Variants in ARL6IP6 observed in about 807,000 individuals in gnomAD.
ARL6IP6 encodes ADP-ribosylation factor-like protein 6-interacting protein 6.
In ARL6IP6, 22 loss-of-function variants were observed where a neutral mutation model predicts 21.5. The observed-to-expected ratio is 1.02, with a 90% CI of 0.73 to 1.46. ARL6IP6 has a LOEUF of 1.46. Ranked by LOEUF, ARL6IP6 falls within the 40% of genes most tolerant of loss-of-function variation. The probability of loss-of-function intolerance (pLI) is 0.00; values close to 1 mark genes in which losing one functional copy is unlikely to be tolerated. For synonymous variants in ARL6IP6, 164 were observed against 125.3 expected (o/e 1.31, Z -2.06); for missense variants, 388 against 299.8 (o/e 1.29, Z -2.17).
chr2:152,743,959 CTCA>C (rs1004178633), intron 3 of ARL6IP6, among the ~76,000 whole-genome samples: 1 of 152,078 alleles, frequency 6.6e-6, no homozygotes, highest in African/African-American at 2.4e-5. Context: ...TGGAGCATGT[CTCA>C]GTTCTTAAAT....
intron 3 of ARL6IP6, among the ~76,000 whole-genome samples, chr2:152,740,406 C>A (rs751672436): frequency 1.3e-5 from 2 of 152,010 alleles, no homozygotes; most frequent in Non-Finnish European, 2.9e-5. Context: ...GCCTAGTGAT[C>A]CAGTTTTAAT....
At chr2:152,722,983 A>G (rs1458468197) in intron 2 of ARL6IP6, among the ~76,000 whole-genome samples, 1 of 152,218 alleles carries the variant, frequency 6.6e-6, no homozygotes, top group Admixed American at 6.5e-5. Flanking sequence ...TACTGTTTTC[A>G]AGAAAAATAC....
intron 2 of ARL6IP6, among the ~76,000 whole-genome samples, chr2:152,733,343 G>A (rs1394094055): frequency 6.6e-6 from 1 of 152,140 alleles, no homozygotes; most frequent in East Asian, 1.9e-4. Context: ...TTTGCTCACT[G>A]TAACCTATGC....
At chr2:152,742,387 G>A (rs1379673379) in intron 3 of ARL6IP6, among the ~76,000 whole-genome samples, 1 of 152,020 alleles carries the variant, frequency 6.6e-6, no homozygotes, top group Non-Finnish European at 1.5e-5. Flanking sequence ...AGTCAACATA[G>A]TGAGATGCTG....
upstream of ARL6IP6, chr2:152,718,043 G>A: frequency 2.0e-6 from 2 of 995,336 alleles, no homozygotes; most frequent in South Asian, 8.6e-5. Flanking sequence ...TAGCGGGAGG[G>A]AAGTTGTAGT....
At chr2:152,742,816 G>A (rs1257474857) in intron 3 of ARL6IP6, among the ~76,000 whole-genome samples, 1 of 152,098 alleles carries the variant, frequency 6.6e-6, no homozygotes. Flanking sequence ...CATCTCGTAG[G>A]TGTTACTATT....
At chr2:152,747,557 A>G (rs1185107105) in intron 3 of ARL6IP6, among the ~76,000 whole-genome samples, 3 of 148,964 alleles carry the variant, frequency 2.0e-5, no homozygotes, top group Non-Finnish European at 4.5e-5. Flanking sequence ...CTCCTTACTC[A>G]TTTCTCTCTC....
chr2:152,742,148 G>GTA (rs1172146296), intron 3 of ARL6IP6, among the ~76,000 whole-genome samples: 1 of 152,142 alleles, frequency 6.6e-6, no homozygotes, highest in African/African-American at 2.4e-5. Flanking sequence ...ATGTAACAGT[G>GTA]TATATATAGT....
chr2:152,753,837 C>T (rs1701451945), intron 3 of ARL6IP6, among the ~76,000 whole-genome samples: 1 of 151,818 alleles, frequency 6.6e-6, no homozygotes, highest in South Asian at 2.1e-4. Context: ...GCTGGCACTA[C>T]AGGCGCTCGC....
intron 3 of ARL6IP6, among the ~76,000 whole-genome samples, chr2:152,746,156 C>G (rs1701037179): frequency 6.6e-6 from 1 of 151,696 alleles, no homozygotes; most frequent in Admixed American, 6.6e-5. Flanking sequence ...TAGCTGGGAC[C>G]ACAGACATGC....
chr2:152,734,430 C>CTTAG (rs1700461442), intron 2 of ARL6IP6, among the ~76,000 whole-genome samples: 1 of 152,216 alleles, frequency 6.6e-6, no homozygotes, highest in Non-Finnish European at 1.5e-5. Context: ...AAAGGAATCA[C>CTTAG]TTAGTACTAA....
At position 152,719,060 on chromosome 2, in the gene ARL6IP6, T is replaced by TA. The variant is rs753236851; in HGVS notation, c.400+39dup. 5.4e-6 allele frequency: 8 copies of TA among 1,480,824 alleles called. No individual in the cohort carries two copies. In the South Asian group the frequency reaches 1.1e-4, roughly 21 times the overall value. 91.7% of individuals were successfully genotyped at this position (1,480,824 alleles called of 1,614,324 possible). Reference sequence around the variant, plus strand: ...CGACGCCTTGAAAGTCTGTCCAGAGTAAAGTTGAGCCAGGGTGTGGCTCTC... The same window carrying TA: ...CGACGCCTTGAAAGTCTGTCCAGAGTAAAAGTTGAGCCAGGGTGTGGCTCTC... On this transcript the variant is annotated intron_variant, in intron 1 of 3. Coordinates refer to ENST00000326446, the MANE Select transcript of ARL6IP6 (RefSeq NM_152522.7).
At chr2:152,719,819 G>T (rs1699669434) in intron 1 of ARL6IP6, 1 of 406,754 alleles carries the variant, frequency 2.5e-6, no homozygotes, top group Non-Finnish European at 5.1e-6. Context: ...CATTGTCACT[G>T]AAGTGTTATT....
chr2:152,719,005 C>A lies in ARL6IP6; in HGVS notation c.381C>A (p.Ile127=), dbSNP rs755057691. The part of the protein sequence containing the change: ...FAILLAFLLA[I]AYLIVKELHA... ...TTCTTCTCGCCTTCCTCCTCGCCAT[C>A]GCCTACTTGATCGTTAAAGGTATTG... is the stretch of plus-strand genomic sequence containing the variant. Residue 127 remains isoleucine, a synonymous_variant, in exon 1 of 4, where the codon ATC becomes ATA. Transcript: ENST00000326446. The A allele has an allele frequency of 1.3e-6, 2 of 1,574,554 alleles. No individual in the cohort carries two copies. Among genetic ancestry groups the A allele is most frequent in the East Asian group, 4.6e-5 (2 of 43,678 alleles).
intron 2 of ARL6IP6, among the ~76,000 whole-genome samples, chr2:152,731,362 A>G (rs1700301018): frequency 1.3e-5 from 2 of 152,198 alleles, no homozygotes; most frequent in African/African-American, 4.8e-5. Context: ...CACAAGATTT[A>G]CAAACAGTCC....
At chr2:152,732,862 T>A (rs898840454) in intron 2 of ARL6IP6, among the ~76,000 whole-genome samples, 1 of 152,184 alleles carries the variant, frequency 6.6e-6, no homozygotes, top group African/African-American at 2.4e-5. Flanking sequence ...TTGGTTTTGA[T>A]TGGCATTATT....
At chr2:152,724,389 A>G (rs1699939254) in intron 2 of ARL6IP6, among the ~76,000 whole-genome samples, 1 of 152,202 alleles carries the variant, frequency 6.6e-6, no homozygotes, top group Admixed American at 6.5e-5. Context: ...TCTCAACTAC[A>G]CTGTATCCAT....
At chr2:152,729,579 A>C (rs1334174844) in intron 2 of ARL6IP6, among the ~76,000 whole-genome samples, 1 of 152,076 alleles carries the variant, frequency 6.6e-6, no homozygotes, top group Non-Finnish European at 1.5e-5. Context: ...TTAAAAAAAA[A>C]CACACACACA....
upstream of ARL6IP6, chr2:152,718,056 G>C (rs759071163): frequency 1.6e-5 from 16 of 994,936 alleles, no homozygotes; most frequent in Middle Eastern, 5.2e-4. Flanking sequence ...GTTGTAGTAC[G>C]GGTGGGGAGA....
Sources: gnomAD v4.1 joint callset for allele counts (sites outside exome capture counted in the v4.1 genomes callset) on GRCh38, gnomAD v4.1.1 for gene constraint, MANE v1.5 for transcripts, NCBI Gene and HGNC (gene_info 2026-07-23, HGNC 2026-07-21) for gene names.